Variants in HEMK2 observed in about 807,000 individuals in gnomAD.
HEMK2 encodes methyltransferase HEMK2.
chr21:28,814,381 C>T, the HEMK2 span, among the ~76,000 whole-genome samples: 11 of 151,632 alleles, frequency 7.3e-5, no homozygotes, highest in Non-Finnish European at 1.3e-4. Flanking sequence ...AATTGACAAA[C>T]GGGATCTAAT....
chr21:28,767,978 C>T, the HEMK2 span, among the ~76,000 whole-genome samples: 2 of 151,880 alleles, frequency 1.3e-5, no homozygotes, highest in Non-Finnish European at 2.9e-5. Context: ...CAGCCTCCAA[C>T]GTGATTGTTA....
the HEMK2 span, among the ~76,000 whole-genome samples, chr21:28,803,880 C>A: frequency 6.6e-6 from 1 of 152,192 alleles, no homozygotes; most frequent in Non-Finnish European, 1.5e-5. Flanking sequence ...AACTTTAGAG[C>A]AATGCCAGAA....
At chr21:28,841,133 A>T in the HEMK2 span, among the ~76,000 whole-genome samples, 2 of 46,196 alleles carry the variant, frequency 4.3e-5, no homozygotes, top group Non-Finnish European at 6.7e-5. Context: ...AATATATAAT[A>T]TATAATTTAT....
chr21:28,841,188 ATAATATATATATTATATAATATAT>A, the HEMK2 span, among the ~76,000 whole-genome samples: 7 of 19,438 alleles, frequency 3.6e-4, 1 homozygote, highest in East Asian at 0.021. Context: ...AATATATATT[ATAATATATATATTATATAATATAT>A]TATATATATT....
chr21:28,813,987 C>T, the HEMK2 span, among the ~76,000 whole-genome samples: 4 of 152,138 alleles, frequency 2.6e-5, no homozygotes, highest in African/African-American at 9.7e-5. Context: ...GTCTTAATCA[C>T]AGCACTTTGG....
At chr21:28,670,278 G>T in the HEMK2 span, among the ~76,000 whole-genome samples, 12 of 151,974 alleles carry the variant, frequency 7.9e-5, no homozygotes, top group Non-Finnish European at 1.6e-4. Flanking sequence ...ATGGGCAAAG[G>T]AACTGATGCA....
chr21:28,726,893 TAG>T, the HEMK2 span, among the ~76,000 whole-genome samples: 40 of 148,140 alleles, frequency 2.7e-4, 1 homozygote, highest in African/African-American at 9.1e-4. Flanking sequence ...AAAAATTATT[TAG>T]AATATCCTAA....
chr21:28,681,816 A>T, the HEMK2 span, among the ~76,000 whole-genome samples: 50 of 152,250 alleles, frequency 3.3e-4, no homozygotes, highest in South Asian at 1.0e-2. Flanking sequence ...TTCCCTATTT[A>T]ATAAATGGTG....
At chr21:28,723,642 T>A in the HEMK2 span, among the ~76,000 whole-genome samples, 2 of 152,182 alleles carry the variant, frequency 1.3e-5, no homozygotes, top group Non-Finnish European at 2.9e-5. Context: ...GTTGGCCACA[T>A]TACCTCTTGG....
At chr21:28,739,224 A>G in the HEMK2 span, among the ~76,000 whole-genome samples, 2 of 152,188 alleles carry the variant, frequency 1.3e-5, no homozygotes, top group African/African-American at 4.8e-5. Context: ...GCTGAACCAC[A>G]GTATTTTCCT....
the HEMK2 span, among the ~76,000 whole-genome samples, chr21:28,654,417 A>G: frequency 1.3e-5 from 2 of 152,094 alleles, no homozygotes; most frequent in African/African-American, 4.8e-5. Flanking sequence ...GAAGGGAAGG[A>G]TACTGAAGGA....
the HEMK2 span, among the ~76,000 whole-genome samples, chr21:28,823,842 T>C: frequency 1.3e-5 from 2 of 151,932 alleles, no homozygotes; most frequent in African/African-American, 4.8e-5. Flanking sequence ...ATGTGTTACA[T>C]ACTGTGAAAA....
the HEMK2 span, chr21:28,885,350 C>G: frequency 6.4e-7 from 1 of 1,553,354 alleles, no homozygotes; most frequent in Admixed American, 1.8e-5. Flanking sequence ...TGCCATAGTC[C>G]TTCGCTGCGT....
At chr21:28,676,205 G>A in the HEMK2 span, among the ~76,000 whole-genome samples, 1 of 152,170 alleles carries the variant, frequency 6.6e-6, no homozygotes, top group African/African-American at 2.4e-5. Flanking sequence ...TCTGGAGGCT[G>A]AAATCCTGAT....
the HEMK2 span, among the ~76,000 whole-genome samples, chr21:28,783,186 A>G: frequency 6.6e-6 from 1 of 151,924 alleles, no homozygotes; most frequent in East Asian, 1.9e-4. Flanking sequence ...GCATAGCCTG[A>G]AAGAATTTTT....
At chr21:28,765,123 G>T in the HEMK2 span, among the ~76,000 whole-genome samples, 1 of 152,074 alleles carries the variant, frequency 6.6e-6, no homozygotes, top group Non-Finnish European at 1.5e-5. Flanking sequence ...GAGGGAGCAA[G>T]TGGGTATGTT....
At chr21:28,731,688 A>T in the HEMK2 span, among the ~76,000 whole-genome samples, 2 of 152,002 alleles carry the variant, frequency 1.3e-5, no homozygotes, top group Non-Finnish European at 2.9e-5. Flanking sequence ...GCACACCAGC[A>T]TGGCACATAT....
the HEMK2 span, among the ~76,000 whole-genome samples, chr21:28,794,719 A>G: frequency 6.6e-5 from 10 of 152,262 alleles, no homozygotes; most frequent in Admixed American, 1.3e-4. Context: ...CACTGACTAC[A>G]GAGTTGACAA....
At chr21:28,820,722 G>A in the HEMK2 span, among the ~76,000 whole-genome samples, 1 of 152,056 alleles carries the variant, frequency 6.6e-6, no homozygotes, top group Non-Finnish European at 1.5e-5. Flanking sequence ...AACCTTCCAA[G>A]CTTTCCCTTC....
Sources: allele counts gnomAD v4.1 joint callset (sites outside exome capture counted in the v4.1 genomes callset), GRCh38; gene constraint gnomAD v4.1.1; transcripts MANE v1.5; gene names NCBI Gene and HGNC (gene_info 2026-07-23, HGNC 2026-07-21).